RBFOX1: variants seen among roughly 807,000 people sequenced by gnomAD.
RBFOX1 encodes RNA binding fox-1 homolog 1.
RBFOX1 carries 8 observed loss-of-function variants against 57.7 expected under a neutral mutation model. The ratio of observed to expected loss-of-function variants is 0.14; its 90% CI spans 0.08 to 0.25. The LOEUF (loss-of-function observed/expected upper bound fraction) is 0.25, where lower values mean the gene tolerates loss of function less well. RBFOX1 is among the 10% of genes least tolerant of loss of function. The pLI is 1.00. For missense variants in RBFOX1, 611 were observed against 548.5 expected (o/e 1.11, Z -1.14); for synonymous variants, 326 against 222.4 (o/e 1.47, Z -4.15).
At chr16:5,717,202 T>C (rs930325349) in intron 3 of RBFOX1, among the ~76,000 whole-genome samples, 1 of 152,204 alleles carries the variant, frequency 6.6e-6, no homozygotes, top group African/African-American at 2.4e-5. Context: ...TTATAATCTC[T>C]TAATTTCTTA....
intron 3 of RBFOX1, among the ~76,000 whole-genome samples, chr16:6,931,313 C>G (rs1231864947): frequency 7.8e-6 from 1 of 127,966 alleles, no homozygotes; most frequent in Non-Finnish European, 1.6e-5. Flanking sequence ...ATCTATCTAT[C>G]TATCTATCTA....
chr16:6,710,247 G>T (rs2063486675), intron 3 of RBFOX1, among the ~76,000 whole-genome samples: 1 of 152,084 alleles, frequency 6.6e-6, no homozygotes, highest in Non-Finnish European at 1.5e-5. Context: ...AAGCCAAATT[G>T]TTCCTCTGTA....
chr16:7,354,449 G>C (rs2097179948), intron 4 of RBFOX1, among the ~76,000 whole-genome samples: 3 of 152,196 alleles, frequency 2.0e-5, no homozygotes, highest in Admixed American at 6.5e-5. Flanking sequence ...AAGTATTAAA[G>C]AGGTGTTGTT....
chr16:6,233,253 A>T (rs1237558232), intron 1 of RBFOX1, among the ~76,000 whole-genome samples: 1 of 152,124 alleles, frequency 6.6e-6, no homozygotes. Context: ...TGAAAGGATG[A>T]GTTAGAGAAG....
chr16:5,276,933 C>G (rs1171693735), intron 1 of RBFOX1, among the ~76,000 whole-genome samples: 2 of 152,164 alleles, frequency 1.3e-5, no homozygotes, highest in African/African-American at 4.8e-5. Flanking sequence ...CCAGCAATCC[C>G]ACTACTAAGT....
intron 4 of RBFOX1, among the ~76,000 whole-genome samples, chr16:7,499,392 A>G (rs2069860501): frequency 6.6e-6 from 1 of 152,130 alleles, no homozygotes; most frequent in Admixed American, 6.5e-5. Flanking sequence ...CATCTTAACT[A>G]ATTACATCTG....
chr16:5,653,757 G>T (rs554005955), intron 3 of RBFOX1, among the ~76,000 whole-genome samples: 1 of 152,274 alleles, frequency 6.6e-6, no homozygotes, highest in South Asian at 2.1e-4. Context: ...GGCCAGGGGT[G>T]GGGTGGCTCA....
intron 4 of RBFOX1, among the ~76,000 whole-genome samples, chr16:7,153,193 CA>C (rs1247370997): frequency 2.0e-5 from 2 of 99,818 alleles, no homozygotes; most frequent in Non-Finnish European, 3.9e-5. Flanking sequence ...TGGACATAAT[CA>C]TTTTTTTTTT....
intron 4 of RBFOX1, among the ~76,000 whole-genome samples, chr16:7,192,360 G>A (rs1277835320): frequency 6.6e-6 from 1 of 152,176 alleles, no homozygotes; most frequent in Non-Finnish European, 1.5e-5. Flanking sequence ...GAAATTGGCT[G>A]AACTGGGTGC....
intron 4 of RBFOX1, among the ~76,000 whole-genome samples, chr16:7,191,331 CAAAAAAAGAA>C (rs1016795846): frequency 9.4e-6 from 1 of 106,924 alleles, no homozygotes; most frequent in African/African-American, 3.6e-5. Flanking sequence ...CCGTTGCTGA[CAAAAAAAGAA>C]AAAAAAAAAA....
intron 4 of RBFOX1, among the ~76,000 whole-genome samples, chr16:5,972,698 C>A (rs2059986949): frequency 6.6e-6 from 1 of 152,132 alleles, no homozygotes; most frequent in Non-Finnish European, 1.5e-5. Flanking sequence ...GGCTCAGGAC[C>A]TGCCTGCCTC....
At chr16:5,520,316 A>G (rs2043964533) in intron 2 of RBFOX1, among the ~76,000 whole-genome samples, 1 of 152,218 alleles carries the variant, frequency 6.6e-6, no homozygotes, top group Non-Finnish European at 1.5e-5. Context: ...TCTCAGCTTG[A>G]AATGGCTTGA....
At chr16:6,238,142 G>C (rs999887630) in intron 1 of RBFOX1, among the ~76,000 whole-genome samples, 1 of 151,688 alleles carries the variant, frequency 6.6e-6, no homozygotes, top group Non-Finnish European at 1.5e-5. Context: ...AGGGTTGTTG[G>C]GAATTAGAAA....
Position 6,797,500 on chromosome 16 carries a change from T to G in RBFOX1, c.-16+142850T>G, listed in dbSNP as rs560498159. Among the ~76,000 whole-genome samples the G allele has an allele frequency of 2.9e-3, 440 of 152,310 alleles. 3 individuals carry two copies. Among genetic ancestry groups the G allele is most frequent in the Admixed American group, 6.2e-3 (94 of 15,280 alleles). ...GTTTCCCCCAGTACAAGCCTAATGT[T>G]GCTGATTTCAGGTTCCTGTGACATC... On this transcript the variant is annotated intron_variant, in intron 3 of 15. Coordinates refer to ENST00000550418, the MANE Select transcript of RBFOX1 (RefSeq NM_018723.4).
In RBFOX1 at chr16:5,675,139, C is replaced by A. The variant is rs57839722; in HGVS notation, c.318+76178C>A. ...CTCCAGCCTGGGCAAAAGATAGAGA[C>A]CCTGTCTCAAAAAAAGTGTGTGTAT... is the stretch of plus-strand genomic sequence containing the variant. On this transcript the variant is annotated intron_variant, in intron 3 of 19. Coordinates refer to the RBFOX1 transcript ENST00000641259. Among the ~76,000 whole-genome samples, 137 of 152,040 alleles carry A rather than the reference C, an allele frequency of 9.0e-4. 1 individual carries two copies. The highest frequency in any genetic ancestry group is 3.1e-3 in the African/African-American group (130 of 41,482).
At chr16:7,320,091 G>T (rs2096518610) in intron 4 of RBFOX1, among the ~76,000 whole-genome samples, 1 of 152,158 alleles carries the variant, frequency 6.6e-6, no homozygotes, top group Admixed American at 6.5e-5. Flanking sequence ...TTTATTGTAA[G>T]TTGCAGGATA....
chr16:6,039,326 C>T (rs1375366578), intron 1 of RBFOX1, among the ~76,000 whole-genome samples: 1 of 135,480 alleles, frequency 7.4e-6, no homozygotes, highest in African/African-American at 2.9e-5. Context: ...TGAGGATAAG[C>T]TGTTAGTTTT....
intron 4 of RBFOX1, among the ~76,000 whole-genome samples, chr16:5,918,819 A>G (rs956554363): frequency 7.2e-5 from 11 of 152,214 alleles, no homozygotes; most frequent in African/African-American, 2.4e-4. Context: ...CCTGCAACAA[A>G]GCAGGCTTGG....
intron 2 of RBFOX1, among the ~76,000 whole-genome samples, chr16:5,493,823 C>A (rs112894382): frequency 7.9e-5 from 12 of 152,332 alleles, no homozygotes; most frequent in African/African-American, 2.9e-4. Flanking sequence ...TTAAATCTTT[C>A]CTTTTTGTAC....
Sources: gnomAD v4.1 joint callset for allele counts (sites outside exome capture counted in the v4.1 genomes callset) on GRCh38, gnomAD v4.1.1 for gene constraint, MANE v1.5 for transcripts, NCBI Gene and HGNC (gene_info 2026-07-23, HGNC 2026-07-21) for gene names.